The following DRG1 variants were observed in gnomAD, a reference collection of about 807,000 sequenced individuals.
The protein encoded by DRG1 is developmentally regulated GTP binding protein 1.
Under a neutral mutation model 38.8 loss-of-function variants are expected in DRG1, and 19 were observed. The ratio of observed to expected loss-of-function variants is 0.49; its 90% CI spans 0.34 to 0.72. The LOEUF (loss-of-function observed/expected upper bound fraction) is 0.72. Ranked by LOEUF, DRG1 falls within the 30% of genes least tolerant of loss-of-function variation. The pLI, the probability that DRG1 is intolerant of heterozygous loss-of-function variation, is 0.01. For synonymous variants in DRG1, 167 were observed against 157.5 expected (o/e 1.06, Z -0.45); for missense variants, 299 against 444.8 (o/e 0.67, Z 2.95).
Position 31,400,714 on chromosome 22 carries a change from A to AGGG in DRG1, c.138_140dup (p.Gly52dup). 1 of 1,613,236 alleles carries AGGG rather than the reference A, an allele frequency of 6.2e-7. No individual in the cohort carries two copies. The highest frequency in any genetic ancestry group is 1.1e-5 in the South Asian group (1 of 91,046). ...CTTCGTCGAGAACTCATTACTCCAA[A>AGGG]GGGTGGTGGTGGTGGAGGTCCAGGA... On this transcript the variant is annotated inframe_insertion, in exon 2 of 9. Coordinates refer to ENST00000331457, the MANE Select transcript of DRG1 (RefSeq NM_004147.4).
At position 31,434,191 on chromosome 22, in the gene DRG1, ATG is replaced by A. The variant is rs1036051837; in HGVS notation, c.*224_*225del. ...TAGGCTGGTCAGCTACATGCAGCTC[ATG>A]TGTCATTGTCAGAATTTGTTTTGGG... On this transcript the variant is annotated 3_prime_UTR_variant, in exon 9 of 9. Coordinates refer to ENST00000331457, the MANE Select transcript of DRG1 (RefSeq NM_004147.4). 4.7e-5 allele frequency: 24 copies of A among 505,914 alleles called. No individual in the cohort carries two copies. Among genetic ancestry groups the A allele is most frequent in the Non-Finnish European group, 6.5e-5 (18 of 277,488 alleles). The allele number at this position is 505,914 out of a possible 1,614,324, so 31.3% of individuals were successfully genotyped here. A position where few individuals can be genotyped will look rare whatever the true frequency, so the allele number is the denominator to read the frequency against.
At chr22:31,432,415 T>TTGTG (rs774738177) in intron 8 of DRG1, among the ~76,000 whole-genome samples, 5 of 151,062 alleles carry the variant, frequency 3.3e-5, no homozygotes, top group Admixed American at 6.6e-5. Context: ...TTTGTGTTTT[T>TTGTG]TGTGTGTGTG....
intron 8 of DRG1, among the ~76,000 whole-genome samples, chr22:31,430,695 G>A (rs904093453): frequency 2.6e-5 from 4 of 151,836 alleles, no homozygotes; most frequent in South Asian, 2.1e-4. Flanking sequence ...CATCATGCCC[G>A]GCCACTACAG....
At chr22:31,408,671 T>G (rs534224253) in intron 3 of DRG1, among the ~76,000 whole-genome samples, 333 of 148,036 alleles carry the variant, frequency 2.2e-3, no homozygotes, top group African/African-American at 8.1e-3. Flanking sequence ...GAGAATCGCT[T>G]GAACCTGGGA....
In DRG1 at chr22:31,403,099, A is replaced by G. The variant is rs2049971673; in HGVS notation, c.237A>G (p.Thr79=). 2.5e-6 allele frequency: 4 copies of G among 1,614,076 alleles called. No individual in the cohort carries two copies. The highest frequency in any genetic ancestry group is 3.4e-6 in the Non-Finnish European group (4 of 1,180,038). Residue 79 remains threonine (T), a synonymous_variant, in exon 3 of 9, where the codon ACA becomes ACG. Coordinates refer to ENST00000331457, the MANE Select transcript of DRG1 (RefSeq NM_004147.4). ...GTTTTCCATCTGTGGGGAAGTCAACACTGCTTAGTAACCTGGCAGGGGTAT... is the reference window on the plus strand; with the variant it reads ...GTTTTCCATCTGTGGGGAAGTCAACGCTGCTTAGTAACCTGGCAGGGGTAT... ...FVGFPSVGKS[T]LLSNLAGVYS... is the part of the protein sequence containing the mutation.
intron 1 of DRG1, 117 bp downstream of exon 1, chr22:31,399,842 C>T: frequency 6.8e-7 from 1 of 1,469,478 alleles, no homozygotes; most frequent in Non-Finnish European, 9.5e-7. Flanking sequence ...CGCGACTTCT[C>T]TCAGCGAGGC....
chr22:31,421,115 T>G (rs760179522), intron 5 of DRG1, among the ~76,000 whole-genome samples: 1 of 152,022 alleles, frequency 6.6e-6, no homozygotes, highest in Non-Finnish European at 1.5e-5. Context: ...AGACGGGGTT[T>G]CACCATGTTG....
intron 6 of DRG1, 137 bp from the exon 7 acceptor site, chr22:31,426,478 C>G (rs1030284743): frequency 4.3e-6 from 3 of 695,248 alleles, no homozygotes; most frequent in African/African-American, 3.6e-5. Context: ...TTTCTTTTTT[C>G]TTTTTCTGGC....
intron 1 of DRG1, 42 bp downstream of exon 1, chr22:31,399,767 C>A: frequency 6.2e-7 from 1 of 1,613,776 alleles, no homozygotes; most frequent in East Asian, 2.2e-5. Context: ...TCTGAGCATT[C>A]CTTCTTTGGT....
chr22:31,422,732 T>C (rs2050083983), intron 5 of DRG1, among the ~76,000 whole-genome samples: 1 of 135,600 alleles, frequency 7.4e-6, no homozygotes, highest in East Asian at 1.9e-4. Flanking sequence ...TATTTCTGTG[T>C]TAGTTTCAGT....
At chr22:31,418,534 C>T (rs200772930) in intron 4 of DRG1, among the ~76,000 whole-genome samples, 70 of 152,018 alleles carry the variant, frequency 4.6e-4, no homozygotes, top group East Asian at 3.1e-3. Flanking sequence ...TCTGAGATGG[C>T]GCTCTGTTGC....
intron 7 of DRG1, 73 bp downstream of exon 7, chr22:31,426,855 C>G: frequency 6.5e-7 from 1 of 1,545,120 alleles, no homozygotes; most frequent in Non-Finnish European, 8.7e-7. Context: ...CTTTCTGGAG[C>G]TCATTAACAA....
chr22:31,405,543 T>G (rs1176124266), intron 3 of DRG1, among the ~76,000 whole-genome samples: 5 of 152,100 alleles, frequency 3.3e-5, no homozygotes, highest in Admixed American at 1.3e-4. Context: ...AGTTTATTCA[T>G]TCTCTCTTTC....
intron 3 of DRG1, among the ~76,000 whole-genome samples, chr22:31,407,361 C>T (rs575585495): frequency 1.4e-4 from 22 of 152,238 alleles, no homozygotes; most frequent in African/African-American, 5.1e-4. Flanking sequence ...AATTCTCCCT[C>T]GCTCTGTCAC....
chr22:31,408,961 C>T (rs537553228), intron 3 of DRG1, among the ~76,000 whole-genome samples: 1 of 152,180 alleles, frequency 6.6e-6, no homozygotes, highest in South Asian at 2.1e-4. Flanking sequence ...AAATTTGAAT[C>T]ACATGTGCTG....
rs985968670 is a variant in DRG1 at position 31,410,222 on chromosome 22, C to T, written c.343-790C>T. Among the ~76,000 whole-genome samples, 17 of 151,172 alleles carry T rather than the reference C, an allele frequency of 1.1e-4. No individual in the cohort carries two copies. The South Asian group carries it at 1.5e-3, about 13-fold the overall frequency. On this transcript the variant is annotated intron_variant, in intron 3 of 8. Coordinates refer to ENST00000331457, the MANE Select transcript of DRG1 (RefSeq NM_004147.4). ...CTGTAATCCCAGCACTTTGGGAGGT[C>T]GAGGCGGGCAGATCTCGAGTTCAGG...
At chr22:31,413,202 A>C (rs2050027322) in intron 4 of DRG1, among the ~76,000 whole-genome samples, 1 of 151,964 alleles carries the variant, frequency 6.6e-6, no homozygotes, top group African/African-American at 2.4e-5. Context: ...AGGCTCAAGC[A>C]ATCTTCCCAT....
chr22:31,415,137 TCTTA>T (rs1403150648), intron 4 of DRG1, among the ~76,000 whole-genome samples: 1 of 152,218 alleles, frequency 6.6e-6, no homozygotes, highest in African/African-American at 2.4e-5. Flanking sequence ...GTGATTGTTG[TCTTA>T]CTGTTTTTCA....
chr22:31,410,882 C>G, intron 3 of DRG1, 130 bp from the exon 4 acceptor site: 2 of 882,302 alleles, frequency 2.3e-6, no homozygotes, highest in Non-Finnish European at 3.5e-6. Context: ...CACACACTCG[C>G]TTATAAGGAA....
Sources: gnomAD v4.1 joint callset for allele counts (sites outside exome capture counted in the v4.1 genomes callset) on GRCh38, gnomAD v4.1.1 for gene constraint, MANE v1.5 for transcripts, NCBI Gene and HGNC (gene_info 2026-07-23, HGNC 2026-07-21) for gene names.